KCNMA1: variants seen among roughly 807,000 people sequenced by gnomAD.
The protein encoded by KCNMA1 is potassium calcium-activated channel subfamily M alpha 1, also known as Calcium-activated potassium channel subunit alpha-1.
In KCNMA1, 29 loss-of-function variants were observed where a neutral mutation model predicts 140.0. That is an observed-to-expected ratio of 0.21 (90% CI 0.15 to 0.28). KCNMA1 has a LOEUF of 0.28. KCNMA1 is among the 10% of genes least tolerant of loss of function. The pLI is 1.00. For synonymous variants in KCNMA1, 612 were observed against 611.9 expected (o/e 1.00, Z 0.00); for missense variants, 880 against 1,602.2 (o/e 0.55, Z 7.70).
chr10:77,001,795 C>T (rs2086560095), intron 18 of KCNMA1, among the ~76,000 whole-genome samples: 1 of 152,154 alleles, frequency 6.6e-6, no homozygotes, highest in Non-Finnish European at 1.5e-5. Flanking sequence ...TTTATCGTCT[C>T]CCAAGGCTGT....
At chr10:77,217,313 TAAAC>T (rs1003243431) in intron 3 of KCNMA1, among the ~76,000 whole-genome samples, 5 of 150,504 alleles carry the variant, frequency 3.3e-5, no homozygotes, top group Admixed American at 2.0e-4. Flanking sequence ...AAAAAGAAAC[TAAAC>T]AAACAAACAA....
chr10:77,060,972 C>T (rs1471145283), intron 14 of KCNMA1, among the ~76,000 whole-genome samples: 2 of 152,118 alleles, frequency 1.3e-5, no homozygotes, highest in East Asian at 3.9e-4. Context: ...ACTCTAACTC[C>T]ACTGAAACTC....
intron 5 of KCNMA1, among the ~76,000 whole-genome samples, chr10:77,131,946 C>G: frequency 8.5e-6 from 1 of 117,704 alleles, no homozygotes; most frequent in Admixed American, 1.1e-4. Context: ...ACCTGGGCAA[C>G]AGAGCAAGAC....
intron 23 of KCNMA1, among the ~76,000 whole-genome samples, chr10:76,921,924 A>G (rs1416813460): frequency 6.6e-6 from 1 of 152,176 alleles, no homozygotes; most frequent in Non-Finnish European, 1.5e-5. Context: ...GCAGCTGACC[A>G]TGTTTACTCA....
At chr10:77,521,885 G>C (rs1377230545) in intron 1 of KCNMA1, among the ~76,000 whole-genome samples, 1 of 152,070 alleles carries the variant, frequency 6.6e-6, no homozygotes, top group Non-Finnish European at 1.5e-5. Context: ...GACCCTAAGA[G>C]GACTCAGGGA....
chr10:77,023,761 C>T (rs1370864426), intron 16 of KCNMA1, among the ~76,000 whole-genome samples: 2 of 152,146 alleles, frequency 1.3e-5, no homozygotes, highest in African/African-American at 4.8e-5. Flanking sequence ...TTCATTTTTT[C>T]TGGGCTTTCA....
At chr10:77,302,937 A>G (rs2076873350) in intron 2 of KCNMA1, among the ~76,000 whole-genome samples, 2 of 151,738 alleles carry the variant, frequency 1.3e-5, no homozygotes, top group South Asian at 4.2e-4. Flanking sequence ...TTTGGTTTGC[A>G]GGGGGGGGTT....
intron 1 of KCNMA1, among the ~76,000 whole-genome samples, chr10:77,605,475 G>A (rs1418673382): frequency 6.6e-6 from 1 of 152,186 alleles, no homozygotes; most frequent in Non-Finnish European, 1.5e-5. Context: ...ATGCTTTCTC[G>A]TGGGTTCCTG....
intron 2 of KCNMA1, among the ~76,000 whole-genome samples, chr10:77,319,969 T>G (rs928802195): frequency 6.6e-6 from 1 of 152,228 alleles, no homozygotes; most frequent in African/African-American, 2.4e-5. Flanking sequence ...TGACTGATAC[T>G]GCCCTCTTCG....
In KCNMA1 at chr10:76,933,890, C is replaced by G. The variant is rs370008508; in HGVS notation, c.2902+10883G>C. Among the ~76,000 whole-genome samples, 5 of 152,324 alleles carry G rather than the reference C, an allele frequency of 3.3e-5. No individual in the cohort carries two copies. The South Asian group carries it at 1.0e-3, about 32-fold the overall frequency. On this transcript the variant is annotated intron_variant, in intron 23 of 27. Coordinates refer to ENST00000286628, the MANE Select transcript of KCNMA1 (RefSeq NM_001161352.2). ...CCTTAAATGTTCAATAAATCCAGAA[C>G]TAAAGTCATTTATAAATCAGTTGGC...
chr10:76,935,344 T>C (rs773454281), intron 23 of KCNMA1, among the ~76,000 whole-genome samples: 55 of 152,328 alleles, frequency 3.6e-4, no homozygotes, highest in Non-Finnish European at 6.3e-4. Flanking sequence ...TGAAAGTACA[T>C]GTATAGCTTC....
chr10:76,895,294 A>C (rs2042020016), intron 25 of KCNMA1, among the ~76,000 whole-genome samples: 1 of 151,506 alleles, frequency 6.6e-6, no homozygotes, highest in African/African-American at 2.4e-5. Context: ...GGCCGAATAA[A>C]CCTCTTCCTT....
intron 2 of KCNMA1, among the ~76,000 whole-genome samples, chr10:77,278,726 T>G (rs1811511943): frequency 6.6e-6 from 1 of 152,212 alleles, no homozygotes; most frequent in African/African-American, 2.4e-5. Flanking sequence ...ACATGACGAT[T>G]CGTTAAAGAA....
At chr10:77,460,015 A>G (rs2154523567) in intron 1 of KCNMA1, among the ~76,000 whole-genome samples, 1 of 152,370 alleles carries the variant, frequency 6.6e-6, no homozygotes, top group East Asian at 1.9e-4. Context: ...TGCAGGTCAC[A>G]CAGACTCTCA....
rs760170765 is a variant in KCNMA1 at position 76,889,406 on chromosome 10, A to C, written c.3461+45T>G. On this transcript the variant is annotated intron_variant, in intron 27 of 27. Transcript: ENST00000286628. Reference sequence around the variant, plus strand: ...GTAGGGGACAGGAAAGGATATTAATATTTCTGTGATTAGGTGGGAGGGCAG... The same window carrying C: ...GTAGGGGACAGGAAAGGATATTAATCTTTCTGTGATTAGGTGGGAGGGCAG... 2.4e-6 allele frequency: 3 copies of C among 1,249,890 alleles called. No individual in the cohort carries two copies. In the African/African-American group the frequency reaches 4.4e-5, roughly 18 times the overall value. 77.4% of individuals were successfully genotyped at this position (1,249,890 alleles called of 1,614,324 possible).
intron 2 of KCNMA1, among the ~76,000 whole-genome samples, chr10:77,307,588 C>T (rs897823093): frequency 1.3e-5 from 2 of 152,146 alleles, no homozygotes; most frequent in African/African-American, 4.8e-5. Flanking sequence ...GTTCCGTCAC[C>T]CAGGCTGGAG....
chr10:77,013,610 C>T (rs929167381), intron 17 of KCNMA1, among the ~76,000 whole-genome samples: 1 of 152,152 alleles, frequency 6.6e-6, no homozygotes, highest in Non-Finnish European at 1.5e-5. Flanking sequence ...TTGCTCTTAA[C>T]ACATAATGAT....
chr10:76,885,069 A>ATTGGTTTGTTTATTTT lies in KCNMA1; in HGVS notation c.*2196_*2197insAAAATAAACAAACCAA. On this transcript the variant is annotated 3_prime_UTR_variant, in exon 28 of 28. Coordinates refer to ENST00000286628, the MANE Select transcript of KCNMA1 (RefSeq NM_001161352.2). Reference sequence around the variant, plus strand: ...AGTTTTACAATGCTTTTAAACTGTCATATTTCCTGTTGAGCACTTTAACTG... The same window carrying ATTGGTTTGTTTATTTT: ...AGTTTTACAATGCTTTTAAACTGTCATTGGTTTGTTTATTTTTATTTCCTGTTGAGCACTTTAACTG... 6.5e-7 allele frequency: 1 copy of ATTGGTTTGTTTATTTT among 1,545,726 alleles called. No homozygotes were observed. The highest frequency in any genetic ancestry group is 8.7e-7 in the Non-Finnish European group (1 of 1,145,066).
At chr10:77,473,396 G>A (rs1424571965) in intron 1 of KCNMA1, among the ~76,000 whole-genome samples, 1 of 152,256 alleles carries the variant, frequency 6.6e-6, no homozygotes, top group Non-Finnish European at 1.5e-5. Flanking sequence ...GCCTGGAGCA[G>A]TGGAGGCCAA....
Sources: gnomAD v4.1 joint callset for allele counts (sites outside exome capture counted in the v4.1 genomes callset) on GRCh38, gnomAD v4.1.1 for gene constraint, MANE v1.5 for transcripts, NCBI Gene and HGNC (gene_info 2026-07-23, HGNC 2026-07-21) for gene names.